The following CCDC15 variants were observed in gnomAD, a reference collection of about 807,000 sequenced individuals.
CCDC15 encodes coiled-coil domain-containing protein 15.
CCDC15 carries 105 observed loss-of-function variants against 114.5 expected under a neutral mutation model. That is an observed-to-expected ratio of 0.92 (90% confidence interval 0.78 to 1.08). The LOEUF is 1.08. Among genes scored for constraint, CCDC15 ranks in the 50% least tolerant of loss-of-function variants. The pLI, the probability that CCDC15 is intolerant of heterozygous loss-of-function variation, is 0.00. For synonymous variants in CCDC15, 334 were observed against 377.8 expected, an observed-to-expected ratio of 0.88 and a Z score of 1.34; for missense variants, 1,105 against 1,093.6, an observed-to-expected ratio of 1.01 and a Z score of -0.15.
intron 8 of CCDC15, among the ~76,000 whole-genome samples, chr11:124,988,565 C>T (rs2135487070): frequency 6.6e-6 from 1 of 152,196 alleles, no homozygotes; most frequent in South Asian, 2.1e-4. Flanking sequence ...TGAAGTTTGC[C>T]ACATCATTTG....
intron 4 of CCDC15, among the ~76,000 whole-genome samples, chr11:124,963,821 A>G (rs1947717603): frequency 1.3e-5 from 2 of 152,196 alleles, no homozygotes; most frequent in African/African-American, 4.8e-5. Flanking sequence ...ACTTTTGTAT[A>G]AGGTGTAAGG....
intron 4 of CCDC15, among the ~76,000 whole-genome samples, chr11:124,962,340 G>T (rs1427827716): frequency 1.3e-5 from 2 of 152,132 alleles, no homozygotes; most frequent in African/African-American, 4.8e-5. Context: ...TCTTGGAGTT[G>T]GAAGAGTTTC....
Position 125,038,623 on chromosome 11 carries a change from CATG to C in CCDC15, c.2585+22_2585+24del, listed in dbSNP as rs764988623. 9 of 1,524,932 alleles carry C rather than the reference CATG, an allele frequency of 5.9e-6. No individual in the cohort carries two copies. Among genetic ancestry groups the C allele is most frequent in the African/African-American group, 5.6e-5 (4 of 71,384 alleles). 94.5% of individuals were successfully genotyped at this position (1,524,932 alleles called of 1,614,324 possible). ...ACCTGAGGTAATTTGAAAAGGTCTT[CATG>C]ATATTTTGGCTCTAGAAGAGACTTG... On this transcript the variant is annotated intron_variant, in intron 14 of 15. Transcript: ENST00000344762.
At chr11:124,998,011 G>A (rs545838542) in intron 11 of CCDC15, among the ~76,000 whole-genome samples, 54 of 152,298 alleles carry the variant, frequency 3.5e-4, no homozygotes, top group African/African-American at 1.1e-3. Context: ...GAAACTGGGG[G>A]AAAGGTAATC....
chr11:124,971,452 G>C (rs1947879861), intron 4 of CCDC15, among the ~76,000 whole-genome samples: 1 of 152,188 alleles, frequency 6.6e-6, no homozygotes, highest in African/African-American at 2.4e-5. Context: ...ACAGAAGTAG[G>C]CTTCAGAAGG....
chr11:124,954,634 CT>C, intron 1 of CCDC15, 89 bp from the exon 2 acceptor site: 1 of 1,164,622 alleles, frequency 8.6e-7, no homozygotes, highest in Non-Finnish European at 1.2e-6. Context: ...GGCTTCTCTC[CT>C]TTTCACGGGC....
At chr11:124,994,616 G>A (rs1276345699) in intron 11 of CCDC15, among the ~76,000 whole-genome samples, 8 of 152,152 alleles carry the variant, frequency 5.3e-5, no homozygotes, top group Non-Finnish European at 8.8e-5. Flanking sequence ...CCCATGGCCA[G>A]TACTAGATCT....
At chr11:125,031,998 C>T (rs567821243) in intron 13 of CCDC15, among the ~76,000 whole-genome samples, 18 of 152,194 alleles carry the variant, frequency 1.2e-4, no homozygotes, top group Non-Finnish European at 2.4e-4. Flanking sequence ...CTCGACAGGT[C>T]CCACACCACT....
At position 125,009,088 on chromosome 11, in the gene CCDC15, C is replaced by T. The variant is rs1591607096; in HGVS notation, c.2411+3876C>T. Among the ~76,000 whole-genome samples, 3 of 151,646 alleles carry T rather than the reference C, an allele frequency of 2.0e-5. No individual in the cohort carries two copies. The East Asian group carries it at 5.9e-4, about 30-fold the overall frequency. The stretch of plus-strand genomic sequence containing the variant: ...ACAAAACTAGCTGGGCATGGTGGCT[C>T]ATGCTTGTAATCCTTGTAATCCCAG... On this transcript the variant is annotated intron_variant, in intron 13 of 15. Transcript: ENST00000344762.
rs141940856 is a variant in CCDC15, at chr11:124,960,689, C to T, written c.516+686C>T. On this transcript the variant is annotated intron_variant, in intron 4 of 15. Transcript: ENST00000344762. ...AAAATGTAATTTTTATTTAATGACT[C>T]ATTTTATATACCTAATATTTAAAAA... Among the ~76,000 whole-genome samples the T allele has an allele frequency of 1.2e-4, 19 of 152,198 alleles. No homozygotes were observed. The East Asian group carries it at 3.7e-3, about 29-fold the overall frequency.
chr11:125,030,614 C>T (rs182279548), intron 13 of CCDC15, among the ~76,000 whole-genome samples: 261 of 152,310 alleles, frequency 1.7e-3, no homozygotes, highest in Non-Finnish European at 2.9e-3. Context: ...AGCCTGCCAC[C>T]AGGTAGATAG....
intron 6 of CCDC15, among the ~76,000 whole-genome samples, chr11:124,977,832 A>G (rs1385653075): frequency 6.6e-6 from 1 of 152,096 alleles, no homozygotes; most frequent in Non-Finnish European, 1.5e-5. Context: ...AATTTAGAGC[A>G]TTTTATTTTT....
At position 124,987,134 on chromosome 11, in the gene CCDC15, A is replaced by C. The variant is rs1302925736; in HGVS notation, c.908A>C (p.Lys303Thr). Residue 303 changes from lysine to threonine, a missense_variant, in exon 8 of 16, where the codon AAA becomes ACA. Physicochemically the swap from Lys to Thr is moderately conservative, Grantham distance 78 (BLOSUM62 -1). Transcript: ENST00000344762. Reference sequence around the variant, plus strand: ...GTTTATGTTCACTTTTAGAAAGTAAAATTCAAAAATCCATTATTTGTTCTG... The same window carrying C: ...GTTTATGTTCACTTTTAGAAAGTAACATTCAAAAATCCATTATTTGTTCTG... ...NKPFSRVQKV[K>T]FKNPLFVLME... 1 of 1,507,022 alleles carries C rather than the reference A, an allele frequency of 6.6e-7. No individual in the cohort carries two copies. The highest frequency in any genetic ancestry group is 8.8e-7 in the Non-Finnish European group (1 of 1,130,672). 93.4% of individuals were successfully genotyped at this position (1,507,022 alleles called of 1,614,324 possible).
intron 11 of CCDC15, among the ~76,000 whole-genome samples, chr11:125,002,721 T>C (rs889701269): frequency 1.3e-5 from 2 of 152,148 alleles, no homozygotes; most frequent in Non-Finnish European, 2.9e-5. Flanking sequence ...TAAGAGTTTA[T>C]TTCTGAACTC....
chr11:125,037,768 G>A (rs570549310), intron 13 of CCDC15, among the ~76,000 whole-genome samples: 37 of 152,272 alleles, frequency 2.4e-4, no homozygotes, highest in African/African-American at 8.9e-4. Flanking sequence ...TTTGATTTGT[G>A]TACTTTTTAA....
rs769272488 is a variant in CCDC15 at position 124,987,380 on chromosome 11, A to T, written c.1154A>T (p.Lys385Met). The stretch of plus-strand genomic sequence containing the variant: ...ATTGAGCCAGAAGGCCAGCCTATTA[A>T]GACAGAAACTCAGGGTATTATGCTG... Reference protein sequence around the residue: ...QAIEPEGQPIKTETQGIMLKA... With the variant: ...QAIEPEGQPIMTETQGIMLKA... The change falls in exon 8 of 16, where the codon AAG becomes ATG. Residue 385 changes from lysine (K) to methionine (M), a missense_variant. Coordinates refer to ENST00000344762, the MANE Select transcript of CCDC15 (RefSeq NM_025004.3). The T allele has an allele frequency of 6.2e-7, 1 of 1,613,922 alleles. No individual in the cohort carries two copies. The highest frequency in any genetic ancestry group is 8.5e-7 in the Non-Finnish European group (1 of 1,179,914).
At chr11:124,977,169 A>G (rs532428370) in intron 5 of CCDC15, among the ~76,000 whole-genome samples, 36 of 152,298 alleles carry the variant, frequency 2.4e-4, no homozygotes, top group Non-Finnish European at 4.9e-4. Flanking sequence ...AGTGGAACAC[A>G]TACTTGCTTG....
chr11:125,011,105 G>A (rs1328651996), intron 13 of CCDC15, among the ~76,000 whole-genome samples: 1 of 151,434 alleles, frequency 6.6e-6, no homozygotes, highest in African/African-American at 2.4e-5. Flanking sequence ...CCTTTTCAAT[G>A]CTATTTCATC....
At chr11:124,978,653 T>C (rs1223589053) in intron 6 of CCDC15, among the ~76,000 whole-genome samples, 5 of 152,146 alleles carry the variant, frequency 3.3e-5, no homozygotes, top group African/African-American at 1.2e-4. Context: ...CTTTGCCCTC[T>C]TTTATGGAGT....
Sources: allele counts gnomAD v4.1 joint callset (sites outside exome capture counted in the v4.1 genomes callset), GRCh38; gene constraint gnomAD v4.1.1; transcripts MANE v1.5; gene names NCBI Gene and HGNC (gene_info 2026-07-23, HGNC 2026-07-21).